Variants in JMJD7 observed in about 807,000 individuals in gnomAD.
JMJD7 encodes the protein bifunctional peptidase and (3S)-lysyl hydroxylase JMJD7.
In JMJD7, 41 loss-of-function variants were observed where a neutral mutation model predicts 41.1. That is an observed-to-expected ratio of 1.00 (90% CI 0.78 to 1.30). JMJD7 has a LOEUF of 1.30. JMJD7 is among the 50% of genes most tolerant of loss of function. The pLI is 0.00. For missense variants in JMJD7, 480 were observed against 420.7 expected, an observed-to-expected ratio of 1.14 and a Z score of -1.23; for synonymous variants, 202 against 177.2, an observed-to-expected ratio of 1.14 and a Z score of -1.11.
chr15:41,831,285 C>A (rs572149628), intron 1 of JMJD7, among the ~76,000 whole-genome samples: 1 of 152,302 alleles, frequency 6.6e-6, no homozygotes, highest in Admixed American at 6.5e-5. Context: ...GCCAGGGAAG[C>A]AAGCAGGCAT....
At chr15:41,833,263 A>G (rs939370181) in intron 1 of JMJD7, among the ~76,000 whole-genome samples, 3 of 151,826 alleles carry the variant, frequency 2.0e-5, no homozygotes, top group Non-Finnish European at 2.9e-5. Context: ...CTTGCTGAGC[A>G]CATGCTATGT....
At chr15:41,835,276 G>C (rs1037730411) in intron 3 of JMJD7, 53 bp downstream of exon 3, 1 of 1,557,960 alleles carries the variant, frequency 6.4e-7, no homozygotes, top group Non-Finnish European at 8.6e-7. Context: ...ATGGGAAGGA[G>C]GGGGGTCAGC....
intron 1 of JMJD7, among the ~76,000 whole-genome samples, chr15:41,830,121 CCACCCT>C (rs2140873396): frequency 6.6e-6 from 1 of 152,282 alleles, no homozygotes; most frequent in South Asian, 2.1e-4. Flanking sequence ...TGCACCACCC[CCACCCT>C]CACATGGCTG....
At chr15:41,829,076 C>T (rs1302694661) in intron 1 of JMJD7, 1 of 152,248 alleles carries the variant, frequency 6.6e-6, no homozygotes, top group African/African-American at 2.4e-5. Flanking sequence ...AGATACATCA[C>T]TGAACAAAAC....
At chr15:41,836,103 C>T in intron 4 of JMJD7, 45 bp from the exon 5 acceptor site, 1 of 1,541,670 alleles carries the variant, frequency 6.5e-7, no homozygotes. Flanking sequence ...CCTCCCGTGC[C>T]CCTGCCCTCC....
rs199606306 is a variant in JMJD7, at chr15:41,834,856, T to G, written c.181T>G (p.Trp61Gly). The change falls in exon 2 of 8, where the codon TGG becomes GGG. Residue 61 changes from tryptophan (W) to glycine (G), a missense_variant. Transcript: ENST00000397299. ...PCIIRNALQH[W>G]PALQKWSLPY... Reference sequence around the variant, plus strand: ...CATTATCCGCAACGCTCTGCAGCACTGGCCGGCCCTCCAGAAGTGGTCCCT... The same window carrying G: ...CATTATCCGCAACGCTCTGCAGCACGGGCCGGCCCTCCAGAAGTGGTCCCT... 66 of 1,614,198 alleles carry G rather than the reference T, an allele frequency of 4.1e-5. 1 individual carries two copies. The South Asian group carries it at 6.6e-4, about 16-fold the overall frequency.
intron 1 of JMJD7, chr15:41,829,171 T>G (rs1019942495): frequency 6.6e-6 from 1 of 152,234 alleles, no homozygotes; most frequent in African/African-American, 2.4e-5. Context: ...ATGAGTACAT[T>G]GTAGAGTAGA....
At position 41,828,190 on chromosome 15, in the gene JMJD7, T is replaced by A. The variant is rs1488400258; in HGVS notation, c.64+2T>A. ...GAGAATTCCCGGCCGCTGCAAGGGGTGAGTGGCTCTCCCACAGGCTGCGGC... is the reference window on the plus strand; with the variant it reads ...GAGAATTCCCGGCCGCTGCAAGGGGAGAGTGGCTCTCCCACAGGCTGCGGC... On this transcript the variant is annotated splice_donor_variant, in intron 1 of 7. Coordinates refer to ENST00000397299, the MANE Select transcript of JMJD7 (RefSeq NM_001114632.2). LOFTEE classifies it high-confidence loss of function. The A allele has an allele frequency of 6.7e-7, 1 of 1,502,908 alleles. No homozygotes were observed. Among genetic ancestry groups the A allele is most frequent in the East Asian group, 2.7e-5 (1 of 36,702 alleles). 93.1% of individuals were successfully genotyped at this position (1,502,908 alleles called of 1,614,324 possible).
At chr15:41,836,127 G>A (rs202027428) in intron 4 of JMJD7, 21 bp from the exon 5 acceptor site, 75 of 1,572,928 alleles carry the variant, frequency 4.8e-5, no homozygotes, top group Non-Finnish European at 5.6e-5. Context: ...CCCTGCCCCC[G>A]GGCCTTCTTT....
chr15:41,836,355 C>G, intron 5 of JMJD7, 112 bp downstream of exon 5: 8 of 1,557,134 alleles, frequency 5.1e-6, no homozygotes, highest in Non-Finnish European at 7.0e-6. Context: ...CTGTGGCATC[C>G]CCAGTGCACC....
chr15:41,834,698 A>G (rs1226794334), intron 1 of JMJD7, 42 bp from the exon 2 acceptor site: 2 of 1,603,206 alleles, frequency 1.2e-6, no homozygotes, highest in Non-Finnish European at 1.7e-6. Context: ...TGGGTGCTGC[A>G]GACATCAGCC....
rs1425491014 is a variant in JMJD7 at position 41,834,859 on chromosome 15, C to T, written c.184C>T (p.Pro62Ser). Reference protein sequence around the residue: ...CIIRNALQHWPALQKWSLPYF... With the variant: ...CIIRNALQHWSALQKWSLPYF... Reference sequence around the variant, plus strand: ...TATCCGCAACGCTCTGCAGCACTGGCCGGCCCTCCAGAAGTGGTCCCTCCC... The same window carrying T: ...TATCCGCAACGCTCTGCAGCACTGGTCGGCCCTCCAGAAGTGGTCCCTCCC... The change falls in exon 2 of 8, where the codon CCG becomes TCG. Residue 62 changes from proline to serine, a missense_variant. Transcript: ENST00000397299. The T allele has an allele frequency of 6.2e-7, 1 of 1,614,210 alleles. No homozygotes were observed. The highest frequency in any genetic ancestry group is 1.7e-5 in the Admixed American group (1 of 60,032).
At chr15:41,834,645 C>T (rs2065280592) in intron 1 of JMJD7, 95 bp from the exon 2 acceptor site, 1 of 1,524,288 alleles carries the variant, frequency 6.6e-7, no homozygotes, top group African/African-American at 1.4e-5. Context: ...TTCCCAGTGA[C>T]ACAGCGCGGC....
At position 41,833,442 on chromosome 15, in the gene JMJD7, A is replaced by AT. The variant is rs1337776426; in HGVS notation, c.65-1297dup. ...TTTTTTTTTTTTTTTTTTTTTTGAG[A>AT]TAAAGTCTTGCTCTGTCACCCAGGC... On this transcript the variant is annotated intron_variant, in intron 1 of 7. Coordinates refer to ENST00000397299, the MANE Select transcript of JMJD7 (RefSeq NM_001114632.2). 1.8e-3 allele frequency among the ~76,000 whole-genome samples: 107 copies of AT among 60,670 alleles called. 1 individual carries two copies. Among genetic ancestry groups the AT allele is most frequent in the Non-Finnish European group, 2.9e-3 (86 of 29,204 alleles). The allele number at this position is 60,670 out of a possible 152,430, so 39.8% of individuals were successfully genotyped here. A position where few individuals can be genotyped will look rare whatever the true frequency, so the allele number is the denominator to read the frequency against.
chr15:41,836,704 T>G (rs2065323508), intron 6 of JMJD7, 77 bp from the exon 7 acceptor site: 3 of 1,504,010 alleles, frequency 2.0e-6, no homozygotes, highest in South Asian at 2.6e-5. Flanking sequence ...GCCTGTGGTG[T>G]TGACCTTTGG....
At chr15:41,829,460 C>T (rs1374385688) in intron 1 of JMJD7, among the ~76,000 whole-genome samples, 1 of 152,164 alleles carries the variant, frequency 6.6e-6, no homozygotes, top group African/African-American at 2.4e-5. Flanking sequence ...TACAGGCATG[C>T]GCCACCACGC....
intron 5 of JMJD7, 89 bp from the exon 6 acceptor site, chr15:41,836,386 C>T (rs571809999): frequency 1.3e-5 from 21 of 1,556,758 alleles, no homozygotes; most frequent in Middle Eastern, 1.7e-4. Flanking sequence ...ATCCCCTTGC[C>T]CCTGCCCAGG....
At position 41,835,115 on chromosome 15, in the gene JMJD7, C is replaced by T. The variant is rs969684743; in HGVS notation, c.364C>T (p.His122Tyr). The change falls in exon 3 of 8, where the codon CAC becomes TAC. Residue 122 changes from histidine to tyrosine, a missense_variant. Transcript: ENST00000397299. ...VLDVLEGRAQ[H>Y]PGVLYVQKQC... Reference sequence around the variant, plus strand: ...GGATGTGCTGGAGGGCCGGGCCCAGCACCCTGGAGTCCTCTATGTGCAGAA... The same window carrying T: ...GGATGTGCTGGAGGGCCGGGCCCAGTACCCTGGAGTCCTCTATGTGCAGAA... The T allele has an allele frequency of 1.2e-6, 2 of 1,612,082 alleles. No individual in the cohort carries two copies. Among genetic ancestry groups the T allele is most frequent in the Non-Finnish European group, 1.7e-6 (2 of 1,180,026 alleles).
chr15:41,833,414 A>ATATTTTTT (rs1239528383), intron 1 of JMJD7, among the ~76,000 whole-genome samples: 30 of 32,010 alleles, frequency 9.4e-4, no homozygotes, highest in African/African-American at 2.5e-3. Flanking sequence ...ATATATATAT[A>ATATTTTTT]TTTTTTTTTT....
Sources: allele counts gnomAD v4.1 joint callset (sites outside exome capture counted in the v4.1 genomes callset), GRCh38; gene constraint gnomAD v4.1.1; transcripts MANE v1.5; gene names NCBI Gene and HGNC (gene_info 2026-07-23, HGNC 2026-07-21).